The following PACRG variants were observed in gnomAD, a reference collection of about 807,000 sequenced individuals.
PACRG encodes the protein parkin coregulated, also known as parkin coregulated gene protein.
A neutral mutation model predicts 29.7 loss-of-function variants in PACRG; 29 were observed. The observed-to-expected ratio is 0.98, with a 90% CI of 0.73 to 1.33. The LOEUF (loss-of-function observed/expected upper bound fraction) is 1.33, where lower values mean the gene tolerates loss of function less well. Ranked by LOEUF, PACRG falls within the 40% of genes most tolerant of loss-of-function variation. PACRG has a pLI of 0.00. For synonymous variants in PACRG, 116 were observed against 118.7 expected (o/e 0.98, Z 0.15); for missense variants, 279 against 316.2 (o/e 0.88, Z 0.89).
chr6:162,989,030 A>C (rs890566944), intron 2 of PACRG, among the ~76,000 whole-genome samples: 7 of 152,192 alleles, frequency 4.6e-5, no homozygotes, highest in African/African-American at 1.7e-4. Context: ...ATACTTTTTA[A>C]ATAGCCCAAT....
rs1423631814 is a variant in PACRG, at chr6:162,874,823, C to T, written c.291+60542C>T. 3.3e-5 allele frequency among the ~76,000 whole-genome samples: 5 copies of T among 151,988 alleles called. No individual in the cohort carries two copies. In the East Asian group the frequency reaches 5.8e-4, roughly 18 times the overall value. On this transcript the variant is annotated intron_variant, in intron 2 of 4. Coordinates refer to ENST00000366888, the MANE Select transcript of PACRG (RefSeq NM_001080379.2). ...CACACAAAGTCACATTCATACGACT[C>T]GCACACATTCACACTCACATTCACA...
chr6:163,095,112 A>G (rs1814452461), intron 4 of PACRG, among the ~76,000 whole-genome samples: 1 of 152,188 alleles, frequency 6.6e-6, no homozygotes, highest in African/African-American at 2.4e-5. Context: ...GGAAGGGCTC[A>G]GGCCTCCCTC....
chr6:163,280,207 T>C (rs979554838), intron 4 of PACRG, among the ~76,000 whole-genome samples: 3 of 152,080 alleles, frequency 2.0e-5, no homozygotes, highest in Non-Finnish European at 4.4e-5. Flanking sequence ...CTTTAGGGAG[T>C]GAGTCTGCCA....
At chr6:163,006,589 A>G (rs1445915439) in intron 2 of PACRG, among the ~76,000 whole-genome samples, 11 of 151,800 alleles carry the variant, frequency 7.2e-5, no homozygotes, top group Admixed American at 7.2e-4. Context: ...TTGCAATTCT[A>G]TTAGTTTTTC....
chr6:163,199,840 G>A (rs1179250873), intron 4 of PACRG, among the ~76,000 whole-genome samples: 2 of 152,120 alleles, frequency 1.3e-5, no homozygotes, highest in Non-Finnish European at 2.9e-5. Flanking sequence ...GTACAGATAT[G>A]TATCTACGTG....
At chr6:163,128,522 T>C (rs970823087) in intron 4 of PACRG, among the ~76,000 whole-genome samples, 1 of 152,172 alleles carries the variant, frequency 6.6e-6, no homozygotes, top group African/African-American at 2.4e-5. Flanking sequence ...TTTTTAAAAA[T>C]TGAGCTATAT....
chr6:163,185,989 CCCT>C (rs1368879319), intron 4 of PACRG, among the ~76,000 whole-genome samples: 1 of 152,110 alleles, frequency 6.6e-6, no homozygotes, highest in Admixed American at 6.5e-5. Flanking sequence ...AGGGCGTGCC[CCCT>C]CCTCTCTCTG....
At chr6:163,314,290 A>G (rs969032493) in intron 4 of PACRG, among the ~76,000 whole-genome samples, 2 of 152,220 alleles carry the variant, frequency 1.3e-5, no homozygotes, top group African/African-American at 4.8e-5. Flanking sequence ...CTCCTGTCCC[A>G]CCTGCACCTG....
At chr6:163,148,665 T>C (rs1777906029) in intron 4 of PACRG, among the ~76,000 whole-genome samples, 1 of 152,166 alleles carries the variant, frequency 6.6e-6, no homozygotes, top group Admixed American at 6.5e-5. Context: ...AGCTTTTCTC[T>C]GCACAGTAGC....
At chr6:163,106,106 G>T (rs1489578814) in intron 4 of PACRG, among the ~76,000 whole-genome samples, 1 of 152,126 alleles carries the variant, frequency 6.6e-6, no homozygotes, top group East Asian at 1.9e-4. Flanking sequence ...GAGGAAGAAA[G>T]TATCCTTCCT....
chr6:162,785,506 G>T (rs141582343), intron 1 of PACRG, among the ~76,000 whole-genome samples: 1 of 149,942 alleles, frequency 6.7e-6, no homozygotes, highest in Admixed American at 6.7e-5. Context: ...AAGATCAGTG[G>T]TCTGCAACCT....
intron 1 of PACRG, among the ~76,000 whole-genome samples, chr6:162,764,953 T>C (rs1782667933): frequency 1.3e-5 from 2 of 151,624 alleles, no homozygotes; most frequent in Admixed American, 1.3e-4. Flanking sequence ...ACCATGTTGG[T>C]CAGGCTGGTC....
At chr6:163,286,648 T>A (rs1421921521) in intron 4 of PACRG, among the ~76,000 whole-genome samples, 1 of 152,198 alleles carries the variant, frequency 6.6e-6, no homozygotes. Flanking sequence ...ATTCAACAGT[T>A]CTTACCTCCT....
intron 4 of PACRG, among the ~76,000 whole-genome samples, chr6:163,191,274 C>G (rs949845740): frequency 1.3e-5 from 2 of 152,178 alleles, no homozygotes; most frequent in Non-Finnish European, 2.9e-5. Context: ...CCGCCACCCC[C>G]CAAACCTACT....
At chr6:163,150,214 G>A (rs1202066954) in intron 4 of PACRG, among the ~76,000 whole-genome samples, 1 of 152,198 alleles carries the variant, frequency 6.6e-6, no homozygotes, top group African/African-American at 2.4e-5. Context: ...CTATGCAAAG[G>A]GGGAGTGATC....
intron 3 of PACRG, among the ~76,000 whole-genome samples, chr6:163,071,178 A>G (rs1303143407): frequency 1.3e-5 from 2 of 152,124 alleles, no homozygotes; most frequent in East Asian, 1.9e-4. Flanking sequence ...CTTAATCTGT[A>G]CTATAGACCA....
intron 4 of PACRG, chr6:163,101,431 T>C (rs1242727507): frequency 1.1e-6 from 1 of 941,124 alleles, no homozygotes; most frequent in East Asian, 1.2e-4. Flanking sequence ...TGTATGAGTC[T>C]TTATTTATTA....
At chr6:163,286,732 A>C (rs1285523022) in intron 4 of PACRG, among the ~76,000 whole-genome samples, 3 of 152,166 alleles carry the variant, frequency 2.0e-5, no homozygotes, top group African/African-American at 7.2e-5. Flanking sequence ...TGCTCCCCAA[A>C]AGGCTTTTTT....
intron 4 of PACRG, among the ~76,000 whole-genome samples, chr6:163,153,996 T>C (rs1235581414): frequency 6.6e-6 from 1 of 152,108 alleles, no homozygotes; most frequent in Non-Finnish European, 1.5e-5. Context: ...ACAGCGGTGA[T>C]TTTGCACCAG....
Sources: allele counts gnomAD v4.1 joint callset (sites outside exome capture counted in the v4.1 genomes callset), GRCh38; gene constraint gnomAD v4.1.1; transcripts MANE v1.5; gene names NCBI Gene and HGNC (gene_info 2026-07-23, HGNC 2026-07-21).